CRB1: variants seen among roughly 807,000 people sequenced by gnomAD.
CRB1 encodes the protein protein crumbs homolog 1.
CRB1 carries 83 observed loss-of-function variants against 120.0 expected under a neutral mutation model. That is an observed-to-expected ratio of 0.69 (90% CI 0.58 to 0.83). The LOEUF (loss-of-function observed/expected upper bound fraction) is 0.83, where lower values mean the gene tolerates loss of function less well. Among genes scored for constraint, CRB1 ranks in the 40% least tolerant of loss-of-function variants. CRB1 has a pLI of 0.00. For synonymous variants in CRB1, 625 were observed against 612.5 expected (o/e 1.02, Z -0.30); for missense variants, 1,699 against 1,687.6 (o/e 1.01, Z -0.12).
At chr1:197,427,276 C>G (rs1664630296) in intron 6 of CRB1, among the ~76,000 whole-genome samples, 178 bp from the exon 7 acceptor site, 1 of 152,062 alleles carries the variant, frequency 6.6e-6, no homozygotes, top group Non-Finnish European at 1.5e-5. Context: ...CAGAAAGAGG[C>G]CAAATCATTA....
intron 10 of CRB1, chr1:197,441,958 A>G (rs1665464996): frequency 3.2e-6 from 2 of 618,816 alleles, no homozygotes; most frequent in East Asian, 5.4e-5. Context: ...ATGTATATAT[A>G]TGTGTACAGA....
At chr1:197,303,234 A>T (rs1028694219) in intron 1 of CRB1, among the ~76,000 whole-genome samples, 2 of 148,530 alleles carry the variant, frequency 1.3e-5, no homozygotes, top group Admixed American at 1.3e-4. Context: ...TGCACCCATT[A>T]ACTCGTCATT....
At chr1:197,387,585 G>T (rs1193156730) in intron 5 of CRB1, among the ~76,000 whole-genome samples, 1 of 151,900 alleles carries the variant, frequency 6.6e-6, no homozygotes, top group African/African-American at 2.4e-5. Context: ...GACCTTAGAT[G>T]TATTATAAAT....
intron 5 of CRB1, among the ~76,000 whole-genome samples, chr1:197,399,400 C>A (rs1482924046): frequency 6.6e-6 from 1 of 152,134 alleles, no homozygotes; most frequent in Non-Finnish European, 1.5e-5. Flanking sequence ...CAGCATTACA[C>A]TGTTGGAAAG....
At chr1:197,403,805 G>A (rs1012550695) in intron 5 of CRB1, among the ~76,000 whole-genome samples, 4 of 151,656 alleles carry the variant, frequency 2.6e-5, no homozygotes, top group African/African-American at 9.7e-5. Context: ...CCCCTGCCCC[G>A]CTCTTCCCCA....
chr1:197,436,957 G>A (rs1469703462), intron 9 of CRB1, among the ~76,000 whole-genome samples: 1 of 151,990 alleles, frequency 6.6e-6, no homozygotes, highest in Non-Finnish European at 1.5e-5. Context: ...TTTAGTTCTT[G>A]TAACTACCTC....
intron 11 of CRB1, 28 bp from the exon 12 acceptor site, chr1:197,477,636 C>A: frequency 6.2e-7 from 1 of 1,601,252 alleles, no homozygotes; most frequent in South Asian, 1.1e-5. Flanking sequence ...CTATAGAATT[C>A]GCATCCCAAT....
chr1:197,343,948 A>T (rs1473918898), intron 2 of CRB1, among the ~76,000 whole-genome samples: 3 of 152,248 alleles, frequency 2.0e-5, no homozygotes, highest in African/African-American at 7.2e-5. Flanking sequence ...TTAAGTGTTT[A>T]AAAATAATGG....
At chr1:197,406,610 T>G (rs1040331758) in intron 5 of CRB1, among the ~76,000 whole-genome samples, 2 of 152,220 alleles carry the variant, frequency 1.3e-5, no homozygotes, top group African/African-American at 4.8e-5. Context: ...TGCTCAATAT[T>G]CTGCATATTT....
Position 197,427,632 on chromosome 1 carries a change from C to T in CRB1, c.2307C>T (p.Arg769=), listed in dbSNP as rs151104285. Residue 769 remains arginine, a synonymous_variant, in exon 7 of 12, where the codon CGC becomes CGT. Coordinates refer to ENST00000367400, the MANE Select transcript of CRB1 (RefSeq NM_201253.3). ...TYQYIRVWLE[R]GRLAMLTPNS... is the part of the protein sequence containing the mutation. ...AATATATCCGTGTCTGGCTAGAGCG[C>T]GGCAGACTAGCAATGCTGACTCCAA... is the stretch of plus-strand genomic sequence containing the variant. 1.9e-3 allele frequency: 3,023 copies of T among 1,613,868 alleles called. 10 individuals carry two copies. Among genetic ancestry groups the T allele is most frequent in the Admixed American group, 3.5e-3 (212 of 59,956 alleles).
the CRB1 span, among the ~76,000 whole-genome samples, chr1:197,209,528 A>G: frequency 6.6e-6 from 1 of 151,724 alleles, no homozygotes; most frequent in Non-Finnish European, 1.5e-5. Context: ...TTGTATTTTT[A>G]GTAAGGACAG....
chr1:197,312,824 T>G (rs1764791), intron 1 of CRB1, among the ~76,000 whole-genome samples: 1 of 151,382 alleles, frequency 6.6e-6, no homozygotes, highest in Non-Finnish European at 1.5e-5. Context: ...TTTTTACACA[T>G]AGCAACATTT....
chr1:197,372,193 C>T (rs1360728492), intron 5 of CRB1, among the ~76,000 whole-genome samples: 2 of 152,126 alleles, frequency 1.3e-5, no homozygotes, highest in Non-Finnish European at 2.9e-5. Context: ...CATTTCAACT[C>T]TACTCCCCAG....
chr1:197,308,943 G>T (rs1466619305), intron 1 of CRB1, among the ~76,000 whole-genome samples: 1 of 149,232 alleles, frequency 6.7e-6, no homozygotes. Context: ...CATATATGTG[G>T]GTATATACAT....
intron 4 of CRB1, among the ~76,000 whole-genome samples, chr1:197,351,364 C>CAA (rs35672792): frequency 1.3e-3 from 115 of 85,986 alleles, no homozygotes; most frequent in African/African-American, 3.4e-3. Flanking sequence ...TGAGACTTGG[C>CAA]AAAAAAAAAA....
chr1:197,338,911 C>G (rs901882768), intron 2 of CRB1, among the ~76,000 whole-genome samples: 1 of 152,048 alleles, frequency 6.6e-6, no homozygotes, highest in Non-Finnish European at 1.5e-5. Flanking sequence ...TAACAAGAGG[C>G]TAAGGCACTG....
chr1:197,428,893 T>C, intron 7 of CRB1: 1 of 1,429,592 alleles, frequency 7.0e-7, no homozygotes, highest in Non-Finnish European at 9.4e-7. Context: ...AATAAATTTC[T>C]TTTTAAATAC....
chr1:197,461,249 T>C (rs1403223457), intron 11 of CRB1, among the ~76,000 whole-genome samples: 1 of 152,158 alleles, frequency 6.6e-6, no homozygotes, highest in Non-Finnish European at 1.5e-5. Context: ...TGAGGTGAGC[T>C]GAAGAGGATC....
chr1:197,386,261 C>T (rs141210044), intron 5 of CRB1, among the ~76,000 whole-genome samples: 34 of 152,140 alleles, frequency 2.2e-4, no homozygotes, highest in African/African-American at 7.0e-4. Context: ...AAGGATCAAA[C>T]GATATGGTAA....
Sources: allele counts gnomAD v4.1 joint callset (sites outside exome capture counted in the v4.1 genomes callset), GRCh38; gene constraint gnomAD v4.1.1; transcripts MANE v1.5; gene names NCBI Gene and HGNC (gene_info 2026-07-23, HGNC 2026-07-21).